PPFIBP2: variants seen among roughly 807,000 people sequenced by gnomAD.
The protein encoded by PPFIBP2 is liprin-beta-2.
In PPFIBP2, 118 loss-of-function variants were observed where a neutral mutation model predicts 118.3. That is an observed-to-expected ratio of 1.00 (90% CI 0.86 to 1.16). PPFIBP2 has a LOEUF of 1.16. Among genes scored for constraint, PPFIBP2 ranks in the 50% most tolerant of loss-of-function variants. The probability of loss-of-function intolerance (pLI) is 0.00; values close to 1 mark genes in which losing one functional copy is unlikely to be tolerated. For synonymous variants in PPFIBP2, 414 were observed against 397.4 expected (o/e 1.04, Z -0.50); for missense variants, 1,195 against 1,073.1 (o/e 1.11, Z -1.59).
chr11:7,629,572 A>AT (rs1246180639), intron 10 of PPFIBP2, 38 bp downstream of exon 10: 23 of 1,596,728 alleles, frequency 1.4e-5, no homozygotes, highest in Non-Finnish European at 1.9e-5. Flanking sequence ...TCTCTGAAAG[A>AT]TATTCCATCA....
chr11:7,587,188 C>A (rs1050941522), intron 3 of PPFIBP2, among the ~76,000 whole-genome samples: 2 of 152,152 alleles, frequency 1.3e-5, no homozygotes, highest in Non-Finnish European at 1.5e-5. Context: ...CTATTCCACA[C>A]ACAAAGGACA....
rs146002869 is a variant in PPFIBP2 at position 7,607,758 on chromosome 11, G to A, written c.487-2533G>A. Among the ~76,000 whole-genome samples, 1,389 of 152,040 alleles carry A rather than the reference G, an allele frequency of 9.1e-3. 14 individuals carry two copies. The highest frequency in any genetic ancestry group is 0.025 in the Admixed American group (385 of 15,266). On this transcript the variant is annotated intron_variant, in intron 5 of 23. Coordinates refer to ENST00000299492, the MANE Select transcript of PPFIBP2 (RefSeq NM_003621.5). ...GCATTGGCAGCTGGGAAGCTCACAT[G>A]TACATTATAGTCCATCTCTAGCTGT...
In PPFIBP2 at chr11:7,565,723, G is replaced by T; in HGVS notation, c.235G>T (p.Gly79Cys). ...AGCAGCCCTCCTGAGCCAGATCCCTGGCCCAACAGCTGCCTACATAAAGGA... is the reference window on the plus strand; with the variant it reads ...AGCAGCCCTCCTGAGCCAGATCCCTTGCCCAACAGCTGCCTACATAAAGGA... Reference protein sequence around the residue: ...ERAALLSQIPGPTAAYIKEWF... With the variant: ...ERAALLSQIPCPTAAYIKEWF... The change falls in exon 3 of 24, where the codon GGC (glycine) becomes TGC (cysteine). Residue 79 changes from glycine to cysteine, a missense_variant. Physicochemically the swap from Gly to Cys is radical, Grantham distance 159. Coordinates refer to ENST00000299492, the MANE Select transcript of PPFIBP2 (RefSeq NM_003621.5). 7 of 1,614,146 alleles carry T rather than the reference G, an allele frequency of 4.3e-6. No homozygotes were observed. The highest frequency in any genetic ancestry group is 5.9e-6 in the Non-Finnish European group (7 of 1,180,016).
intron 6 of PPFIBP2, among the ~76,000 whole-genome samples, 195 bp from the exon 7 acceptor site, chr11:7,620,740 G>A (rs1849249331): frequency 6.6e-6 from 1 of 152,162 alleles, no homozygotes; most frequent in South Asian, 2.1e-4. Context: ...ACTTTCTTAT[G>A]TCTGGAACTC....
intron 2 of PPFIBP2, among the ~76,000 whole-genome samples, chr11:7,554,750 T>C (rs1281897745): frequency 1.3e-5 from 2 of 151,568 alleles, no homozygotes; most frequent in African/African-American, 2.4e-5. Context: ...CCTTGTAAAG[T>C]TGAATTCTTG....
At chr11:7,542,066 A>C (rs1851849200) in intron 1 of PPFIBP2, among the ~76,000 whole-genome samples, 1 of 152,234 alleles carries the variant, frequency 6.6e-6, no homozygotes, top group African/African-American at 2.4e-5. Context: ...AAGCAGCCAG[A>C]GTAATCCTTT....
chr11:7,665,880 G>C, the PPFIBP2 span: 1 of 1,536,144 alleles, frequency 6.5e-7, no homozygotes. Context: ...GGTGTGGCCT[G>C]GTGTTAGTGG....
At chr11:7,656,758 ACT>A (rs1262139904), downstream of PPFIBP2, 7 of 1,289,538 alleles carry the variant, frequency 5.4e-6, no homozygotes, top group Middle Eastern at 2.1e-4. Context: ...CTGCTGAATG[ACT>A]CTCGCCTGCC....
chr11:7,556,230 C>T (rs537414135), intron 2 of PPFIBP2, among the ~76,000 whole-genome samples: 15 of 152,146 alleles, frequency 9.9e-5, no homozygotes, highest in Middle Eastern at 3.4e-3. Flanking sequence ...CCGAGGCGGG[C>T]GAATCACGAG....
intron 1 of PPFIBP2, among the ~76,000 whole-genome samples, chr11:7,537,339 T>A (rs74051675): frequency 1.3e-5 from 2 of 151,768 alleles, no homozygotes; most frequent in Admixed American, 1.3e-4. Flanking sequence ...ACACTTTTTT[T>A]CCCCCCCACA....
At chr11:7,562,929 TTATATATATATATATATATATA>T (rs60848890) in intron 2 of PPFIBP2, among the ~76,000 whole-genome samples, 6,129 of 86,472 alleles carry the variant, frequency 0.071, 347 homozygotes, top group East Asian at 0.12. Context: ...AATTAAAGTT[TTATATATATATATATATATATA>T]TATATATATA....
chr11:7,560,709 C>T (rs961286179), intron 2 of PPFIBP2, among the ~76,000 whole-genome samples: 1 of 152,118 alleles, frequency 6.6e-6, no homozygotes, highest in African/African-American at 2.4e-5. Flanking sequence ...CTGTATCTTG[C>T]CAAATTGCTT....
At chr11:7,653,894 A>C (rs907855648), downstream of PPFIBP2, 2 of 890,330 alleles carry the variant, frequency 2.2e-6, no homozygotes, top group African/African-American at 3.6e-5. Context: ...CTCAGGATTC[A>C]CCAGGGGGGT....
At position 7,518,641 on chromosome 11, in the gene PPFIBP2, C is replaced by A. The variant is rs148577846; in HGVS notation, c.-37+4520C>A. On this transcript the variant is annotated intron_variant, in intron 1 of 23. Transcript: ENST00000299492. ...GTGGAAGAGGGGATAACGTAGAGGTCATGCCAAGTTAGTTCATAAGACTGG... is the reference window on the plus strand; with the variant it reads ...GTGGAAGAGGGGATAACGTAGAGGTAATGCCAAGTTAGTTCATAAGACTGG... Among the ~76,000 whole-genome samples the A allele has an allele frequency of 2.3e-3, 355 of 152,216 alleles. 2 individuals are homozygous for A. The highest frequency in any genetic ancestry group is 0.017 in the Middle Eastern group (5 of 294).
At chr11:7,665,537 T>C in the PPFIBP2 span, 2 of 1,604,292 alleles carry the variant, frequency 1.2e-6, no homozygotes, top group Non-Finnish European at 1.7e-6. Flanking sequence ...GCCTGAGCTG[T>C]ACTTCCAGCC....
intron 1 of PPFIBP2, among the ~76,000 whole-genome samples, chr11:7,530,279 A>C (rs1408438070): frequency 6.8e-6 from 1 of 147,178 alleles, no homozygotes; most frequent in Non-Finnish European, 1.5e-5. Context: ...CTGAGAGGTT[A>C]ATGTCCATAT....
At chr11:7,628,086 C>T (rs759389156) in intron 8 of PPFIBP2, among the ~76,000 whole-genome samples, 199 bp from the exon 9 acceptor site, 1 of 152,160 alleles carries the variant, frequency 6.6e-6, no homozygotes, top group Non-Finnish European at 1.5e-5. Context: ...AGACAGAGTA[C>T]TAGCTTCCTT....
chr11:7,522,047 T>C (rs2134261603), intron 1 of PPFIBP2, among the ~76,000 whole-genome samples: 1 of 152,188 alleles, frequency 6.6e-6, no homozygotes. Context: ...GGAAAAGACG[T>C]GGTAAAACTG....
intron 1 of PPFIBP2, among the ~76,000 whole-genome samples, chr11:7,519,705 C>T (rs10839796): frequency 0.52 from 79,432 of 151,832 alleles, 21,426 homozygotes; most frequent in African/African-American, 0.61. Flanking sequence ...CGGACGGAGA[C>T]GATAAAAGGA....
Sources: allele counts gnomAD v4.1 joint callset (sites outside exome capture counted in the v4.1 genomes callset), GRCh38; gene constraint gnomAD v4.1.1; transcripts MANE v1.5; gene names NCBI Gene and HGNC (gene_info 2026-07-23, HGNC 2026-07-21).